The following WWOX variants were observed in gnomAD, a reference collection of about 807,000 sequenced individuals.
WWOX encodes WW domain containing oxidoreductase.
In WWOX, 69 loss-of-function variants were observed where a neutral mutation model predicts 46.2. The observed-to-expected ratio is 1.49, with a 90% confidence interval of 1.23 to 1.82. The LOEUF (loss-of-function observed/expected upper bound fraction) is 1.82. Ranked by LOEUF, WWOX falls within the 40% of genes most tolerant of loss-of-function variation. WWOX has a pLI of 0.00. For missense variants in WWOX, 919 were observed against 542.6 expected (o/e 1.69, Z -6.89); for synonymous variants, 359 against 202.6 (o/e 1.77, Z -6.56).
chr16:78,151,554 C>T (rs183406206), intron 4 of WWOX, among the ~76,000 whole-genome samples: 178 of 152,330 alleles, frequency 1.2e-3, no homozygotes, highest in African/African-American at 4.2e-3. Context: ...GACATTACAG[C>T]ATCCTTTGTA....
At chr16:78,564,745 G>A (rs2044523517) in intron 8 of WWOX, among the ~76,000 whole-genome samples, 2 of 152,022 alleles carry the variant, frequency 1.3e-5, no homozygotes, top group African/African-American at 2.4e-5. Flanking sequence ...TACCTCTCTG[G>A]CAACTAATTT....
intron 6 of WWOX, among the ~76,000 whole-genome samples, chr16:78,408,165 A>G (rs2082594275): frequency 6.6e-6 from 1 of 152,184 alleles, no homozygotes; most frequent in South Asian, 2.1e-4. Flanking sequence ...AAATCCTCGG[A>G]CCAGATTGAG....
At chr16:78,381,235 A>G (rs1045754009) in intron 5 of WWOX, among the ~76,000 whole-genome samples, 1 of 152,228 alleles carries the variant, frequency 6.6e-6, no homozygotes, top group African/African-American at 2.4e-5. Context: ...ATAGTCATAA[A>G]ATGATACTAG....
At chr16:78,447,127 A>G (rs1442950750) in intron 8 of WWOX, among the ~76,000 whole-genome samples, 2 of 152,206 alleles carry the variant, frequency 1.3e-5, no homozygotes, top group African/African-American at 4.8e-5. Context: ...TTTCTGAACC[A>G]GACAGGCAGA....
chr16:78,741,359 G>T (rs1465779295), intron 8 of WWOX, among the ~76,000 whole-genome samples: 1 of 151,298 alleles, frequency 6.6e-6, no homozygotes, highest in African/African-American at 2.4e-5. Context: ...TCAGGAGATC[G>T]AGATCAGCCG....
At chr16:78,992,932 C>T (rs1358530864) in intron 8 of WWOX, among the ~76,000 whole-genome samples, 2 of 124,878 alleles carry the variant, frequency 1.6e-5, no homozygotes, top group African/African-American at 3.1e-5. Context: ...ATAATTTTTG[C>T]CTCCATTAGA....
intron 5 of WWOX, among the ~76,000 whole-genome samples, chr16:78,289,405 T>C (rs1224565410): frequency 1.3e-5 from 2 of 152,054 alleles, no homozygotes; most frequent in Admixed American, 6.6e-5. Flanking sequence ...TGTACAGTTA[T>C]CAGAATTACT....
intron 8 of WWOX, among the ~76,000 whole-genome samples, chr16:78,827,586 A>T (rs1049613991): frequency 2.0e-5 from 3 of 152,024 alleles, no homozygotes; most frequent in Non-Finnish European, 2.9e-5. Flanking sequence ...TAATCCCAGC[A>T]CTTTGGGAGG....
At chr16:78,444,052 C>T (rs544616904) in intron 8 of WWOX, among the ~76,000 whole-genome samples, 1 of 152,118 alleles carries the variant, frequency 6.6e-6, no homozygotes, top group East Asian at 1.9e-4. Context: ...TAATGTTTTC[C>T]TAGCAAAAAC....
chr16:78,203,478 A>G (rs2036294809), intron 5 of WWOX, among the ~76,000 whole-genome samples: 1 of 152,238 alleles, frequency 6.6e-6, no homozygotes, highest in Non-Finnish European at 1.5e-5. Flanking sequence ...GGAAAAGGCA[A>G]AATTCTCTGT....
intron 5 of WWOX, among the ~76,000 whole-genome samples, chr16:78,244,830 G>A (rs777068624): frequency 6.6e-6 from 1 of 151,970 alleles, no homozygotes; most frequent in African/African-American, 2.4e-5. Flanking sequence ...TTTCCCCCTT[G>A]GAGTTCTGTT....
chr16:78,464,116 A>T (rs941686935), intron 8 of WWOX, among the ~76,000 whole-genome samples: 31 of 152,144 alleles, frequency 2.0e-4, no homozygotes, highest in Admixed American at 2.0e-3. Context: ...TGACCCATTC[A>T]TCTGAGAGAT....
chr16:78,240,831 C>G (rs2037619908), intron 5 of WWOX, among the ~76,000 whole-genome samples: 1 of 152,198 alleles, frequency 6.6e-6, no homozygotes, highest in South Asian at 2.1e-4. Flanking sequence ...AGATCCCTGT[C>G]TCATTGAGAA....
At chr16:79,137,331 T>C (rs1388312486) in intron 8 of WWOX, among the ~76,000 whole-genome samples, 1 of 152,244 alleles carries the variant, frequency 6.6e-6, no homozygotes, top group East Asian at 1.9e-4. Flanking sequence ...TGGCAAGGCT[T>C]ATCAAAAGAA....
At chr16:78,392,108 G>A (rs182031082) in intron 6 of WWOX, among the ~76,000 whole-genome samples, 12 of 151,890 alleles carry the variant, frequency 7.9e-5, no homozygotes, top group East Asian at 3.9e-4. Flanking sequence ...TAGCGGAGCC[G>A]TGGCCTGTTA....
At chr16:78,153,744 C>CA (rs2034499864) in intron 4 of WWOX, among the ~76,000 whole-genome samples, 1 of 152,066 alleles carries the variant, frequency 6.6e-6, no homozygotes, top group African/African-American at 2.4e-5. Flanking sequence ...TTGTAAGCCC[C>CA]AACTCCTTTG....
chr16:79,212,118 G>GT lies in WWOX; in HGVS notation c.*324dup. ...CACCAGCAATTCTCTTTCTTTTACT[G>GT]TTATAGAATAGCCTGAGGTCCCCTC... On this transcript the variant is annotated 3_prime_UTR_variant, in exon 9 of 9. Coordinates refer to ENST00000566780, the MANE Select transcript of WWOX (RefSeq NM_016373.4). 1 of 1,534,274 alleles carries GT rather than the reference G, an allele frequency of 6.5e-7. No individual in the cohort carries two copies. The highest frequency in any genetic ancestry group is 1.2e-5 in the South Asian group (1 of 83,908).
chr16:78,685,782 A>G (rs562163250), intron 8 of WWOX, among the ~76,000 whole-genome samples: 2 of 151,886 alleles, frequency 1.3e-5, no homozygotes, highest in Admixed American at 6.6e-5. Context: ...TGTTTCTCCC[A>G]TGTGTGGTGT....
At chr16:78,680,642 C>T (rs1014682600) in intron 8 of WWOX, among the ~76,000 whole-genome samples, 11 of 152,214 alleles carry the variant, frequency 7.2e-5, no homozygotes, top group Non-Finnish European at 2.9e-5. Context: ...ATTAAAGATT[C>T]AATCTCTCAC....
Sources: gnomAD v4.1 joint callset for allele counts (sites outside exome capture counted in the v4.1 genomes callset) on GRCh38, gnomAD v4.1.1 for gene constraint, MANE v1.5 for transcripts, NCBI Gene and HGNC (gene_info 2026-07-23, HGNC 2026-07-21) for gene names.